NAV2: variants seen among roughly 807,000 people sequenced by gnomAD.
NAV2 encodes the protein helicase, APC down-regulated 1.
In NAV2, 54 loss-of-function variants were observed where a neutral mutation model predicts 223.2. The observed-to-expected ratio is 0.24, with a 90% confidence interval of 0.19 to 0.30. The LOEUF is 0.30. NAV2 is among the 10% of genes least tolerant of loss of function. NAV2 has a pLI of 1.00. For synonymous variants in NAV2, 1,279 were observed against 1,239.3 expected, an observed-to-expected ratio of 1.03 and a Z score of -0.67; for missense variants, 2,806 against 3,147.5, an observed-to-expected ratio of 0.89 and a Z score of 2.60.
chr11:19,803,011 A>T (rs1439668539), intron 1 of NAV2, among the ~76,000 whole-genome samples: 1 of 152,196 alleles, frequency 6.6e-6, no homozygotes, highest in Non-Finnish European at 1.5e-5. Flanking sequence ...GTTCTTGCAC[A>T]GAGACGGTTG....
chr11:19,977,963 C>T (rs2049933456), intron 10 of NAV2, among the ~76,000 whole-genome samples: 1 of 148,134 alleles, frequency 6.8e-6, no homozygotes, highest in Non-Finnish European at 1.5e-5. Context: ...TGCCACCACG[C>T]CCAGCTCATT....
At chr11:19,377,220 G>A (rs1848669466) in intron 1 of NAV2, among the ~76,000 whole-genome samples, 1 of 152,182 alleles carries the variant, frequency 6.6e-6, no homozygotes, top group Non-Finnish European at 1.5e-5. Context: ...CAAGAATAGG[G>A]CAAATAGGAA....
intron 1 of NAV2, among the ~76,000 whole-genome samples, chr11:19,677,973 C>T (rs2048763231): frequency 6.6e-6 from 1 of 152,224 alleles, no homozygotes; most frequent in African/African-American, 2.4e-5. Context: ...AAACTGCTGG[C>T]CACAATCCCA....
chr11:19,745,590 C>T (rs1565243356), intron 1 of NAV2, among the ~76,000 whole-genome samples: 3 of 151,924 alleles, frequency 2.0e-5, no homozygotes, highest in Admixed American at 6.6e-5. Context: ...AGCGGTGGTC[C>T]CCAGCCTTTC....
intron 1 of NAV2, among the ~76,000 whole-genome samples, chr11:19,561,619 T>C (rs1430356724): frequency 6.6e-6 from 1 of 152,198 alleles, no homozygotes; most frequent in African/African-American, 2.4e-5. Context: ...TTTAGATATG[T>C]GTTTGGGGAC....
chr11:19,994,069 G>T (rs867792237), intron 11 of NAV2, among the ~76,000 whole-genome samples: 5 of 152,172 alleles, frequency 3.3e-5, no homozygotes, highest in African/African-American at 1.2e-4. Flanking sequence ...ATCGGGGACT[G>T]CATATGGTCC....
At chr11:20,023,760 A>G (rs901778904) in intron 11 of NAV2, among the ~76,000 whole-genome samples, 1 of 148,916 alleles carries the variant, frequency 6.7e-6, no homozygotes, top group Non-Finnish European at 1.5e-5. Flanking sequence ...GAGAGATGGC[A>G]TGGGAGGTTT....
At chr11:19,642,845 T>C (rs1815651956) in intron 1 of NAV2, among the ~76,000 whole-genome samples, 1 of 152,140 alleles carries the variant, frequency 6.6e-6, no homozygotes, top group South Asian at 2.1e-4. Flanking sequence ...TACCATGCTA[T>C]CAGCATGCAC....
rs924096679 is a variant in NAV2 at position 20,044,125 on chromosome 11, G to A, written c.3052G>A (p.Glu1018Lys). 4 of 1,614,166 alleles carry A rather than the reference G, an allele frequency of 2.5e-6. No individual in the cohort carries two copies. Among genetic ancestry groups the A allele is most frequent in the East Asian group, 2.2e-5 (1 of 44,876 alleles). ...WRRNPSDVSDESDKSTSGKKN... is the reference protein window; with the variant it reads ...WRRNPSDVSDKSDKSTSGKKN... Reference sequence around the variant, plus strand: ...GCGGAATCCTTCTGATGTGTCTGACGAGTCCGACAAAAGCACGTCGGGCAA... The same window carrying A: ...GCGGAATCCTTCTGATGTGTCTGACAAGTCCGACAAAAGCACGTCGGGCAA... The change falls in exon 13 of 38, where the codon GAG becomes AAG. Residue 1018 changes from glutamate (E) to lysine (K), a missense_variant. This residue lies in a region of NAV2 where 742 missense variants were observed against 777.9 expected (regional missense o/e 0.95). Transcript: ENST00000349880.
At chr11:19,717,180 T>C (rs2050375535) in intron 1 of NAV2, among the ~76,000 whole-genome samples, 1 of 152,256 alleles carries the variant, frequency 6.6e-6, no homozygotes, top group African/African-American at 2.4e-5. Flanking sequence ...GCAAGGTTGG[T>C]CTGGCTTTGA....
At chr11:19,384,279 A>G (rs996143795) in intron 1 of NAV2, among the ~76,000 whole-genome samples, 5 of 152,242 alleles carry the variant, frequency 3.3e-5, no homozygotes, top group African/African-American at 1.2e-4. Context: ...TTCTTTGGTT[A>G]TATGTAGTTT....
intron 12 of NAV2, among the ~76,000 whole-genome samples, chr11:20,039,023 C>T (rs2153572808): frequency 6.6e-6 from 1 of 152,272 alleles, no homozygotes; most frequent in Non-Finnish European, 1.5e-5. Flanking sequence ...AGCACAGGTG[C>T]CCAGCTGTCC....
At chr11:19,842,605 C>T (rs185308862) in intron 2 of NAV2, among the ~76,000 whole-genome samples, 1 of 152,270 alleles carries the variant, frequency 6.6e-6, no homozygotes, top group Non-Finnish European at 1.5e-5. Flanking sequence ...CAAGCATTTC[C>T]ACGATGCCCC....
chr11:19,764,580 T>G (rs551596724), intron 1 of NAV2, among the ~76,000 whole-genome samples: 11 of 152,230 alleles, frequency 7.2e-5, no homozygotes, highest in Non-Finnish European at 1.6e-4. Context: ...AATTTTTTCC[T>G]TATAGGTTGT....
intron 6 of NAV2, among the ~76,000 whole-genome samples, chr11:19,907,203 G>A (rs750863857): frequency 6.6e-6 from 1 of 152,146 alleles, no homozygotes; most frequent in Non-Finnish European, 1.5e-5. Flanking sequence ...TGACTACAAA[G>A]GGGAAAGTAA....
intron 5 of NAV2, among the ~76,000 whole-genome samples, chr11:19,890,496 G>T (rs538133525): frequency 6.6e-6 from 1 of 152,078 alleles, no homozygotes; most frequent in East Asian, 1.9e-4. Context: ...CCACACTGTG[G>T]TAGAATACTG....
At chr11:19,848,492 C>G (rs1286443553) in intron 3 of NAV2, among the ~76,000 whole-genome samples, 2 of 152,202 alleles carry the variant, frequency 1.3e-5, no homozygotes, top group African/African-American at 2.4e-5. Context: ...CGGATTAGGT[C>G]TTACCTCTGA....
rs144443907 is a variant in NAV2 at position 19,940,816 on chromosome 11, C to T, written c.2146+1043C>T. Among the ~76,000 whole-genome samples the T allele has an allele frequency of 2.4e-3, 369 of 152,320 alleles. 2 individuals carry two copies. Among genetic ancestry groups the T allele is most frequent in the African/African-American group, 8.0e-3 (333 of 41,570 alleles). The stretch of plus-strand genomic sequence containing the variant: ...AGAGATTCTTCAAGCCATTTGTAAG[C>T]AGTCCATCTTAGAATGATTTGGGCC... On this transcript the variant is annotated intron_variant, in intron 8 of 37. Coordinates refer to ENST00000349880, the MANE Select transcript of NAV2 (RefSeq NM_145117.5).
chr11:19,540,290 C>G (rs1379407212), intron 1 of NAV2, among the ~76,000 whole-genome samples: 1 of 152,188 alleles, frequency 6.6e-6, no homozygotes, highest in Non-Finnish European at 1.5e-5. Flanking sequence ...GCTCCTCACT[C>G]TTTCTAAAGA....
Sources: allele counts gnomAD v4.1 joint callset (sites outside exome capture counted in the v4.1 genomes callset), GRCh38; gene constraint gnomAD v4.1.1; regional missense constraint gnomAD v4.1.1; transcripts MANE v1.5; gene names NCBI Gene and HGNC (gene_info 2026-07-23, HGNC 2026-07-21).